The following VPS8 variants were observed in gnomAD, a reference collection of about 807,000 sequenced individuals.
VPS8 encodes the protein VPS8 subunit of CORVET complex.
A neutral mutation model predicts 216.4 loss-of-function variants in VPS8; 129 were observed. That is an observed-to-expected ratio of 0.60 (90% confidence interval 0.52 to 0.69). The LOEUF is 0.69. Ranked by LOEUF, VPS8 falls within the 30% of genes least tolerant of loss-of-function variation. VPS8 has a pLI of 0.00. For synonymous variants in VPS8, 571 were observed against 565.4 expected (o/e 1.01, Z -0.14); for missense variants, 1,531 against 1,683.5 (o/e 0.91, Z 1.59).
chr3:184,989,509 C>A (rs1158630959), intron 42 of VPS8, among the ~76,000 whole-genome samples: 1 of 152,058 alleles, frequency 6.6e-6, no homozygotes, highest in Admixed American at 6.6e-5. Context: ...AAGCCATCCT[C>A]CCGCCTCTGC....
intron 1 of VPS8, among the ~76,000 whole-genome samples, chr3:184,816,776 G>A (rs1170701668): frequency 1.3e-5 from 2 of 152,148 alleles, no homozygotes; most frequent in East Asian, 1.9e-4. Flanking sequence ...GAGCACAGGT[G>A]ACGTGAACTG....
chr3:184,815,984 G>A (rs1451370975), intron 1 of VPS8: 1 of 152,052 alleles, frequency 6.6e-6, no homozygotes, highest in Non-Finnish European at 1.5e-5. Context: ...TAACTTACAA[G>A]AATTTACCTG....
Position 184,998,665 on chromosome 3 carries a change from G to A in VPS8, c.3837-1031G>A, listed in dbSNP as rs181937790. On this transcript the variant is annotated intron_variant, in intron 44 of 47. Coordinates refer to ENST00000625842, the MANE Select transcript of VPS8 (RefSeq NM_001009921.3). ...GAAATGAAGATAAATCAGTGTAGAT[G>A]GCTGAGAATTATTCTCAGTACTCAA... Among the ~76,000 whole-genome samples the A allele has an allele frequency of 1.4e-4, 21 of 148,558 alleles. No homozygotes were observed. In the South Asian group the frequency reaches 1.5e-3, roughly 11 times the overall value.
intron 21 of VPS8, among the ~76,000 whole-genome samples, chr3:184,871,807 C>T (rs544434844): frequency 6.6e-6 from 1 of 152,166 alleles, no homozygotes; most frequent in South Asian, 2.1e-4. Context: ...AGAGTAGGCA[C>T]AGGTCCTATC....
chr3:184,954,548 AG>A (rs549753019), intron 36 of VPS8, among the ~76,000 whole-genome samples: 7 of 152,204 alleles, frequency 4.6e-5, no homozygotes, highest in Non-Finnish European at 8.8e-5. Flanking sequence ...TAAGGATTTT[AG>A]GAGCTGTGTG....
At chr3:184,824,834 T>G in intron 2 of VPS8, 49 bp downstream of exon 2, 1 of 1,522,510 alleles carries the variant, frequency 6.6e-7, no homozygotes, top group Non-Finnish European at 8.9e-7. Flanking sequence ...CAGTGTAGAT[T>G]AGAGTATGCT....
chr3:184,900,724 G>A (rs1168354639), intron 24 of VPS8, among the ~76,000 whole-genome samples, 197 bp from the exon 25 acceptor site: 1 of 152,062 alleles, frequency 6.6e-6, no homozygotes, highest in Non-Finnish European at 1.5e-5. Context: ...TTTTTTCGGT[G>A]AGGAATATGA....
intron 37 of VPS8, among the ~76,000 whole-genome samples, chr3:184,961,359 T>C (rs1001092677): frequency 1.3e-5 from 2 of 152,230 alleles, no homozygotes; most frequent in African/African-American, 4.8e-5. Context: ...GCCTCCTGAA[T>C]TGCCCACACA....
chr3:184,830,484 A>AT (rs1719758142), intron 3 of VPS8, among the ~76,000 whole-genome samples: 1 of 151,874 alleles, frequency 6.6e-6, no homozygotes, highest in Non-Finnish European at 1.5e-5. Flanking sequence ...ACACACACAA[A>AT]TCAGCTGAAA....
chr3:185,025,189 G>A (rs1392837638), intron 46 of VPS8, among the ~76,000 whole-genome samples: 1 of 152,122 alleles, frequency 6.6e-6, no homozygotes, highest in Admixed American at 6.5e-5. Context: ...ATGACTGACG[G>A]TTTTACACCT....
At position 184,929,615 on chromosome 3, in the gene VPS8, AC is replaced by A; in HGVS notation, c.2752del (p.Gln918AsnfsTer54). On this transcript the variant is annotated frameshift_variant, in exon 33 of 48. Coordinates refer to ENST00000625842, the MANE Select transcript of VPS8 (RefSeq NM_001009921.3). LOFTEE classifies it high-confidence loss of function. ...QICEFMYEREHQYDKIIDCYL... is the reference protein window; with the variant it reads ...QICEFMYEREXQYDKIIDCYL... ...TGTGAATTTATGTATGAAAGAGAAC[AC>A]CAATATGATAAAATTATTGATTGCT... 1 of 1,538,410 alleles carries A rather than the reference AC, an allele frequency of 6.5e-7. No individual in the cohort carries two copies. Among genetic ancestry groups the A allele is most frequent in the Non-Finnish European group, 8.8e-7 (1 of 1,138,204 alleles).
At chr3:184,825,372 T>C (rs571863582) in intron 2 of VPS8, among the ~76,000 whole-genome samples, 6 of 152,044 alleles carry the variant, frequency 3.9e-5, no homozygotes, top group African/African-American at 1.4e-4. Context: ...TGCACAGCAT[T>C]TTTTTTTCCC....
intron 45 of VPS8, among the ~76,000 whole-genome samples, chr3:185,005,863 C>T (rs1405907827): frequency 6.6e-6 from 1 of 152,052 alleles, no homozygotes; most frequent in Admixed American, 6.5e-5. Context: ...GTTTGACTTC[C>T]TTTTTACCGA....
rs116821544 is a variant in VPS8, at chr3:184,898,680, G to A, written c.2094+26G>A. ...GTAAGATACTTCCTAACTTGGATACGTAATTAATTTTGTCTACTAACTTTT... is the reference window on the plus strand; with the variant it reads ...GTAAGATACTTCCTAACTTGGATACATAATTAATTTTGTCTACTAACTTTT... On this transcript the variant is annotated intron_variant, in intron 24 of 47. Transcript: ENST00000625842. 1.6e-3 allele frequency: 2,385 copies of A among 1,494,180 alleles called. 36 individuals carry two copies. In the African/African-American group the frequency reaches 0.031, roughly 19 times the overall value. 92.6% of individuals were successfully genotyped at this position (1,494,180 alleles called of 1,614,324 possible). A position where few individuals can be genotyped will look rare whatever the true frequency, so the allele number is the denominator to read the frequency against.
intron 3 of VPS8, among the ~76,000 whole-genome samples, chr3:184,831,837 C>G (rs1229172510): frequency 6.6e-6 from 1 of 152,166 alleles, no homozygotes; most frequent in Non-Finnish European, 1.5e-5. Flanking sequence ...TGCAATAGCC[C>G]TCTTACTGGT....
chr3:184,893,820 A>G (rs780441204), intron 22 of VPS8, among the ~76,000 whole-genome samples: 23 of 152,256 alleles, frequency 1.5e-4, no homozygotes, highest in Non-Finnish European at 2.5e-4. Context: ...TAATATATCC[A>G]ACAGTACAGG....
intron 37 of VPS8, among the ~76,000 whole-genome samples, 184 bp from the exon 38 acceptor site, chr3:184,964,284 A>G (rs1430905112): frequency 6.6e-6 from 1 of 152,128 alleles, no homozygotes; most frequent in Non-Finnish European, 1.5e-5. Flanking sequence ...TGGTCCAGTT[A>G]GAACTCCCAA....
At chr3:184,886,859 G>A (rs1240408118) in intron 22 of VPS8, among the ~76,000 whole-genome samples, 2 of 152,228 alleles carry the variant, frequency 1.3e-5, no homozygotes, top group East Asian at 1.9e-4. Context: ...GAGTACAGGC[G>A]TGAGCCACCA....
At chr3:184,894,510 A>G (rs9290803) in intron 22 of VPS8, among the ~76,000 whole-genome samples, 193 bp from the exon 23 acceptor site, 3,211 of 125,744 alleles carry the variant, frequency 0.026, 126 homozygotes, top group African/African-American at 0.082. Context: ...ATACACACGT[A>G]TATATATATA....
Sources: allele counts gnomAD v4.1 joint callset (sites outside exome capture counted in the v4.1 genomes callset), GRCh38; gene constraint gnomAD v4.1.1; transcripts MANE v1.5; gene names NCBI Gene and HGNC (gene_info 2026-07-23, HGNC 2026-07-21).